Variants in ASMTL observed in about 807,000 individuals in gnomAD.
The protein encoded by ASMTL is acetylserotonin O-methyltransferase like.
Under a neutral mutation model 60.3 loss-of-function variants are expected in ASMTL, and 57 were observed. The ratio of observed to expected loss-of-function variants is 0.95; its 90% CI spans 0.76 to 1.18. The LOEUF (loss-of-function observed/expected upper bound fraction) is 1.18. Ranked by LOEUF, ASMTL falls within the 50% of genes most tolerant of loss-of-function variation. The probability of loss-of-function intolerance (pLI) is 0.00; values close to 1 mark genes in which losing one functional copy is unlikely to be tolerated. For synonymous variants in ASMTL, 419 were observed against 373.0 expected, an observed-to-expected ratio of 1.12 and a Z score of -1.42; for missense variants, 981 against 852.6, an observed-to-expected ratio of 1.15 and a Z score of -1.88.
chrX:1,411,666 C>T (rs2090027764), intron 12 of ASMTL, among the ~76,000 whole-genome samples: 1 of 152,180 alleles, frequency 6.6e-6, no homozygotes, highest in Non-Finnish European at 1.5e-5. Flanking sequence ...CTGCCTCGGC[C>T]ACCCCTGAGA....
intron 6 of ASMTL, chrX:1,428,328 A>G (rs865883177): frequency 0.039 from 7,336 of 186,040 alleles, 597 homozygotes; most frequent in African/African-American, 0.17. Flanking sequence ...ATCTCAAAAA[A>G]AAAAAAAAAA....
chrX:1,430,806 AAAAT>A (rs1357437226), intron 6 of ASMTL, among the ~76,000 whole-genome samples: 1 of 147,368 alleles, frequency 6.8e-6, no homozygotes, highest in African/African-American at 2.5e-5. Flanking sequence ...ATAAATATAT[AAAAT>A]AAACATATAT....
At position 1,425,597 on chromosome X, in the gene ASMTL, C is replaced by G. The variant is rs761284758; in HGVS notation, c.988G>C (p.Ala330Pro). 5 of 1,613,808 alleles carry G rather than the reference C, an allele frequency of 3.1e-6. No homozygotes were observed. In the Admixed American group the frequency reaches 8.3e-5, roughly 27 times the overall value. The stretch of plus-strand genomic sequence containing the variant: ...AGCCTCTCCATTCCACACGCAGAGG[C>G]GTCCACTTTGCTGGCAATATCCGCA... ...KAADIASKVD[A>P]SACGMERLLD... Residue 330 changes from alanine to proline, a missense_variant, in exon 8 of 13, where the codon GCC becomes CCC. Transcript: ENST00000381317.
chrX:1,422,123 C>G (rs1161809599), intron 8 of ASMTL, among the ~76,000 whole-genome samples: 2 of 152,180 alleles, frequency 1.3e-5, no homozygotes, highest in African/African-American at 4.8e-5. Flanking sequence ...CCCACTGAGG[C>G]TGATCCTTTC....
chrX:1,417,771 G>C (rs1419053232), intron 11 of ASMTL, among the ~76,000 whole-genome samples: 1 of 1,114 alleles, frequency 9.0e-4, no homozygotes, highest in Non-Finnish European at 4.1e-3. Flanking sequence ...CCATGTCACA[G>C]GTATGCTCCA....
intron 1 of ASMTL, among the ~76,000 whole-genome samples, chrX:1,450,449 T>G (rs2091332669): frequency 7.1e-6 from 1 of 140,902 alleles, no homozygotes; most frequent in Non-Finnish European, 1.5e-5. Context: ...GGGTCCCGGG[T>G]TACTCTCCCC....
At position 1,425,590 on chromosome X, in the gene ASMTL, G is replaced by A. The variant is rs769763402; in HGVS notation, c.995C>T (p.Ala332Val). Residue 332 changes from alanine to valine, a missense_variant, in exon 8 of 13, where the codon GCG (alanine) becomes GTG (valine). Coordinates refer to ENST00000381317, the MANE Select transcript of ASMTL (RefSeq NM_004192.4). ...GTCCAGAAGCCTCTCCATTCCACAC[G>A]CAGAGGCGTCCACTTTGCTGGCAAT... ...ADIASKVDASACGMERLLDIC... is the reference protein window; with the variant it reads ...ADIASKVDASVCGMERLLDIC... 1.2e-5 allele frequency: 20 copies of A among 1,613,734 alleles called. No individual in the cohort carries two copies. Among genetic ancestry groups the A allele is most frequent in the South Asian group, 5.5e-5 (5 of 91,074 alleles).
At chrX:1,417,508 TACAG>T (rs1285920942) in intron 11 of ASMTL, among the ~76,000 whole-genome samples, 65 of 74,732 alleles carry the variant, frequency 8.7e-4, no homozygotes, top group African/African-American at 2.0e-3. Flanking sequence ...TGCACACAGA[TACAG>T]ACACAGACAT....
At chrX:1,442,377 G>T (rs1215823084) in intron 1 of ASMTL, 60 bp from the exon 2 acceptor site, 39 of 1,595,276 alleles carry the variant, frequency 2.4e-5, no homozygotes, top group Admixed American at 1.7e-5. Flanking sequence ...AAGTGAATGG[G>T]ACATGCAAGA....
At chrX:1,430,883 A>G (rs1248972949) in intron 6 of ASMTL, among the ~76,000 whole-genome samples, 1 of 134,908 alleles carries the variant, frequency 7.4e-6, no homozygotes, top group African/African-American at 2.9e-5. Flanking sequence ...ATATAAAAAT[A>G]TATTTTATAT....
intron 1 of ASMTL, among the ~76,000 whole-genome samples, chrX:1,443,283 ATGGACACACACCGCCATCT>A (rs768257929): frequency 0.18 from 1,884 of 10,556 alleles, 271 homozygotes; most frequent in South Asian, 0.23. Flanking sequence ...CACCGCCATC[ATGGACACACACCGCCATCT>A]TGGACACACA....
chrX:1,436,664 G>T (rs1485465084), intron 3 of ASMTL, among the ~76,000 whole-genome samples: 4 of 151,720 alleles, frequency 2.6e-5, no homozygotes, highest in African/African-American at 9.7e-5. Flanking sequence ...CCTCATTCCT[G>T]TTCATGGCTG....
At chrX:1,433,697 G>C (rs1355232806) in intron 5 of ASMTL, among the ~76,000 whole-genome samples, 1 of 151,434 alleles carries the variant, frequency 6.6e-6, no homozygotes, top group Non-Finnish European at 1.5e-5. Flanking sequence ...AAAAAAAAAA[G>C]AGACCCAGAA....
chrX:1,444,278 G>A (rs184435794), intron 1 of ASMTL, among the ~76,000 whole-genome samples: 5,043 of 149,522 alleles, frequency 0.034, 127 homozygotes, highest in Middle Eastern at 0.1. Flanking sequence ...ATGCCATCTC[G>A]GCTCACTGCA....
At chrX:1,451,391 A>AG (rs1407195759) in intron 1 of ASMTL, among the ~76,000 whole-genome samples, 3 of 133,242 alleles carry the variant, frequency 2.3e-5, no homozygotes, top group African/African-American at 2.9e-5. Flanking sequence ...CCCCATCCCT[A>AG]GGGGGTCCTG....
At chrX:1,431,319 TTATA>T (rs1219686407) in intron 6 of ASMTL, among the ~76,000 whole-genome samples, 1 of 131,596 alleles carries the variant, frequency 7.6e-6, no homozygotes, top group Non-Finnish European at 1.5e-5. Context: ...ATTATATATT[TTATA>T]TATAATTATA....
At chrX:1,452,952 GC>G (rs1357315409), upstream of ASMTL, 9 of 794,124 alleles carry the variant, frequency 1.1e-5, no homozygotes, top group Admixed American at 7.0e-5. Context: ...GCGAGGCCAC[GC>G]CCCCGCCCGC....
Position 1,449,669 on chromosome X carries a change from A to G in ASMTL, c.93+3079T>C, listed in dbSNP as rs764849920. ...CAGTAACTACCCCCCATCACCAGTAACTATGCCCCATCATCAAACCCAGTA... is the reference window on the plus strand; with the variant it reads ...CAGTAACTACCCCCCATCACCAGTAGCTATGCCCCATCATCAAACCCAGTA... On this transcript the variant is annotated intron_variant, in intron 1 of 12. Coordinates refer to ENST00000381317, the MANE Select transcript of ASMTL (RefSeq NM_004192.4). 6.0e-5 allele frequency among the ~76,000 whole-genome samples: 9 copies of G among 148,866 alleles called. No individual in the cohort carries two copies. In the East Asian group the frequency reaches 1.8e-3, roughly 30 times the overall value.
chrX:1,411,850 TTA>T lies in ASMTL; in HGVS notation c.1645+880_1645+881del, dbSNP rs1268386727. 7.5e-5 allele frequency among the ~76,000 whole-genome samples: 11 copies of T among 145,860 alleles called. No homozygotes were observed. The South Asian group carries it at 1.3e-3, about 18-fold the overall frequency. On this transcript the variant is annotated intron_variant, in intron 12 of 12. Coordinates refer to ENST00000381317, the MANE Select transcript of ASMTL (RefSeq NM_004192.4). ...TTTTTTGAGATGGAGTCTCGCTCTG[TTA>T]CCCAGGCTGGAGTGCGGTGGCGCAG...
Sources: gnomAD v4.1 joint callset for allele counts (sites outside exome capture counted in the v4.1 genomes callset) on GRCh38, gnomAD v4.1.1 for gene constraint, MANE v1.5 for transcripts, NCBI Gene and HGNC (gene_info 2026-07-23, HGNC 2026-07-21) for gene names.